The following MMAB variants were observed in gnomAD, a reference collection of about 807,000 sequenced individuals.
MMAB encodes metabolism of cobalamin associated B, also known as corrinoid adenosyltransferase MMAB.
MMAB carries 17 observed loss-of-function variants against 30.6 expected under a neutral mutation model. The ratio of observed to expected loss-of-function variants is 0.56; its 90% CI spans 0.38 to 0.83. The LOEUF (loss-of-function observed/expected upper bound fraction) is 0.83, where lower values mean the gene tolerates loss of function less well. MMAB is among the 40% of genes least tolerant of loss of function. MMAB has a pLI of 0.00. For missense variants in MMAB, 311 were observed against 331.6 expected (o/e 0.94, Z 0.48); for synonymous variants, 134 against 138.6 (o/e 0.97, Z 0.23).
At chr12:109,568,343 CCTGG>C (rs1884511746) in intron 3 of MMAB, 2 of 236,770 alleles carry the variant, frequency 8.4e-6, no homozygotes, top group Non-Finnish European at 1.7e-5. Flanking sequence ...CACAGCATGA[CCTGG>C]CCCATCCTGA....
rs561830040 is a variant in MMAB at position 109,556,390 on chromosome 12, C to T, written c.*638G>A. On this transcript the variant is annotated 3_prime_UTR_variant, in exon 9 of 9. Coordinates refer to ENST00000545712, the MANE Select transcript of MMAB (RefSeq NM_052845.4). ...TTCAGAGGGGGTCCTCTAAGCTGCA[C>T]CCCCATCACACACACTTCAATCTAA... is the stretch of plus-strand genomic sequence containing the variant. 1 of 454,042 alleles carries T rather than the reference C, an allele frequency of 2.2e-6. No individual in the cohort carries two copies. 28.1% of individuals were successfully genotyped at this position (454,042 alleles called of 1,614,324 possible).
Position 109,561,661 on chromosome 12 carries a change from C to T in MMAB, c.421+119G>A, listed in dbSNP as rs753384439. The T allele has an allele frequency of 7.4e-6, 9 of 1,218,060 alleles. No individual in the cohort carries two copies. The highest frequency in any genetic ancestry group is 1.5e-5 in the African/African-American group (1 of 66,498). 75.5% of individuals were successfully genotyped at this position (1,218,060 alleles called of 1,614,324 possible). ...AAGGTACCTTCCCTCCCAGGAGCTACGAGCAAGGCTAACTGACCCACCCGT... is the reference window on the plus strand; with the variant it reads ...AAGGTACCTTCCCTCCCAGGAGCTATGAGCAAGGCTAACTGACCCACCCGT... On this transcript the variant is annotated intron_variant, in intron 5 of 8. Transcript: ENST00000545712. This position sits in a 1 kb window ranked among gnomAD's most constrained non-coding sequence, Gnocchi z 5.3.
At chr12:109,572,411 A>ATTTTTTTTT (rs34992643) in intron 1 of MMAB, among the ~76,000 whole-genome samples, 1 of 119,060 alleles carries the variant, frequency 8.4e-6, no homozygotes. Context: ...CACCCAGCTA[A>ATTTTTTTTT]TTTTTTTTTT....
Position 109,561,185 on chromosome 12 carries a change from C to T in MMAB, c.520-81G>A. 1 of 1,596,244 alleles carries T rather than the reference C, an allele frequency of 6.3e-7. No individual in the cohort carries two copies. Among genetic ancestry groups the T allele is most frequent in the Non-Finnish European group, 8.5e-7 (1 of 1,176,512 alleles). On this transcript the variant is annotated intron_variant, in intron 6 of 8. Transcript: ENST00000545712. This position sits in a 1 kb window ranked among gnomAD's most constrained non-coding sequence, Gnocchi z 5.3. ...GACAGGAGCTCCTCTGAAGTCCAGCCCTGCCCCCCAAACCGGGCAGTGTTC... is the reference window on the plus strand; with the variant it reads ...GACAGGAGCTCCTCTGAAGTCCAGCTCTGCCCCCCAAACCGGGCAGTGTTC...
intron 8 of MMAB, among the ~76,000 whole-genome samples, chr12:109,557,351 GCTGGGGCCATTC>G (rs1375932785): frequency 6.6e-6 from 1 of 152,260 alleles, no homozygotes; most frequent in Non-Finnish European, 1.5e-5. Flanking sequence ...CAGTGTCAAG[GCTGGGGCCATTC>G]CTGCAGGATG....
intron 4 of MMAB, chr12:109,564,835 T>C: frequency 1.9e-6 from 1 of 539,466 alleles, no homozygotes; most frequent in African/African-American, 1.9e-5. Context: ...TTCACCACTA[T>C]GCCTGGCTAA....
chr12:109,560,082 C>T (rs1458304936), intron 7 of MMAB, among the ~76,000 whole-genome samples: 1 of 152,248 alleles, frequency 6.6e-6, no homozygotes, highest in Non-Finnish European at 1.5e-5. Flanking sequence ...ATGAGCACTG[C>T]TGATGGATGG....
chr12:109,559,182 C>T (rs778310410), intron 7 of MMAB, 27 bp from the exon 8 acceptor site: 28 of 1,585,748 alleles, frequency 1.8e-5, no homozygotes, highest in East Asian at 6.7e-5. Flanking sequence ...CACTGAGTCA[C>T]GTGACATTAT....
In MMAB at chr12:109,556,103, C is replaced by T. The variant is rs2136190882; in HGVS notation, c.*925G>A. The T allele has an allele frequency of 4.4e-6, 2 of 453,938 alleles. No individual in the cohort carries two copies. Among genetic ancestry groups the T allele is most frequent in the Admixed American group, 2.3e-5 (1 of 42,558 alleles). 28.1% of individuals were successfully genotyped at this position (453,938 alleles called of 1,614,324 possible). A position where few individuals can be genotyped will look rare whatever the true frequency, so the allele number is the denominator to read the frequency against. On this transcript the variant is annotated 3_prime_UTR_variant, in exon 9 of 9. Coordinates refer to ENST00000545712, the MANE Select transcript of MMAB (RefSeq NM_052845.4). ...TTGCCTTTCCCAAGGACACTGCTGG[C>T]ACTGGCAGTGTCGTTTCATAGCAGG...
chr12:109,563,628 G>C (rs1340724402), intron 4 of MMAB, among the ~76,000 whole-genome samples: 1 of 152,232 alleles, frequency 6.6e-6, no homozygotes, highest in Non-Finnish European at 1.5e-5. Flanking sequence ...CCTTGAGGAG[G>C]TGACGTGACA....
intron 1 of MMAB, 191 bp downstream of exon 1, chr12:109,573,156 A>G (rs1884716549): frequency 2.9e-6 from 2 of 700,226 alleles, no homozygotes; most frequent in Non-Finnish European, 4.9e-6. Flanking sequence ...GCGGGACTTC[A>G]TTGGGACTTA....
At position 109,555,275 on chromosome 12, in the gene MMAB, G is replaced by GCTTTT. The variant is rs1883924651; in HGVS notation, c.*1752_*1753insAAAAG. On this transcript the variant is annotated 3_prime_UTR_variant, in exon 9 of 9. Transcript: ENST00000545712. ...GAGCCTTAGTGATTGCGTTTTCAGG[G>GCTTTT]TTTTTTTTTTTTTTTTTTTTTTTTT... 1 of 264,668 alleles carries GCTTTT rather than the reference G, an allele frequency of 3.8e-6. No individual in the cohort carries two copies. Among genetic ancestry groups the GCTTTT allele is most frequent in the East Asian group, 1.1e-4 (1 of 8,740 alleles). The allele number at this position is 264,668 out of a possible 1,614,324, so 16.4% of individuals were successfully genotyped here. A position where few individuals can be genotyped will look rare whatever the true frequency, so the allele number is the denominator to read the frequency against.
At position 109,558,835 on chromosome 12, in the gene MMAB, T is replaced by G. The variant is rs1884081919; in HGVS notation, c.644+261A>C. ...CAATGCCACTTTGCACTTAGGTTTT[T>G]CTTCCTGGTTTTTACAGCAGCCTCT... On this transcript the variant is annotated intron_variant, in intron 8 of 8. Coordinates refer to ENST00000545712, the MANE Select transcript of MMAB (RefSeq NM_052845.4). This position sits in a 1 kb window ranked among gnomAD's most constrained non-coding sequence, Gnocchi z 4.3. Among the ~76,000 whole-genome samples the G allele has an allele frequency of 6.6e-6, 1 of 151,600 alleles. No individual in the cohort carries two copies. The highest frequency in any genetic ancestry group is 1.5e-5 in the Non-Finnish European group (1 of 67,964).
chr12:109,559,413 C>T (rs191707176), intron 7 of MMAB, among the ~76,000 whole-genome samples: 30 of 152,226 alleles, frequency 2.0e-4, no homozygotes, highest in African/African-American at 7.2e-4. Flanking sequence ...AGCCACCTGG[C>T]CTACACCACA....
chr12:109,567,573 A>T (rs1383963991), intron 3 of MMAB, among the ~76,000 whole-genome samples: 1 of 150,734 alleles, frequency 6.6e-6, no homozygotes, highest in Non-Finnish European at 1.5e-5. Flanking sequence ...GATGTCAGGC[A>T]TGTGCACGTG....
At chr12:109,562,564 A>T (rs1188964600) in intron 4 of MMAB, among the ~76,000 whole-genome samples, 1 of 152,194 alleles carries the variant, frequency 6.6e-6, no homozygotes, top group African/African-American at 2.4e-5. Context: ...GGGACAGTCA[A>T]GAGGAACCGT....
chr12:109,568,747 A>G (rs1407359471), intron 3 of MMAB, 23 bp downstream of exon 3: 4 of 1,588,780 alleles, frequency 2.5e-6, no homozygotes, highest in Non-Finnish European at 3.5e-6. Flanking sequence ...ACGCAACCTC[A>G]AGGCCAATCC....
rs74520255 is a variant in MMAB, at chr12:109,567,474, G to T, written c.290+1296C>A. Among the ~76,000 whole-genome samples the T allele has an allele frequency of 1.1e-3, 162 of 152,274 alleles. 2 individuals are homozygous for T. The East Asian group carries it at 0.027, about 26-fold the overall frequency. ...ATTTCAGGATCCAGCACCTGAGACT[G>T]TTGCTGCTCCCCCTGTCACCAGCCT... is the stretch of plus-strand genomic sequence containing the variant. On this transcript the variant is annotated intron_variant, in intron 3 of 8. Coordinates refer to ENST00000545712, the MANE Select transcript of MMAB (RefSeq NM_052845.4).
chr12:109,563,354 CG>C (rs1884283234), intron 4 of MMAB, among the ~76,000 whole-genome samples: 1 of 152,196 alleles, frequency 6.6e-6, no homozygotes, highest in East Asian at 1.9e-4. Flanking sequence ...TTCCACCTCA[CG>C]GGTGTCTGTG....
Sources: gnomAD v4.1 joint callset for allele counts (sites outside exome capture counted in the v4.1 genomes callset) on GRCh38, gnomAD v4.1.1 for gene constraint, Gnocchi (gnomAD v3.1) non-coding constraint, MANE v1.5 for transcripts, NCBI Gene and HGNC (gene_info 2026-07-23, HGNC 2026-07-21) for gene names.